The following PHF19 variants were observed in gnomAD, a reference collection of about 807,000 sequenced individuals.
PHF19 encodes the protein polycomb like 3.
Under a neutral mutation model 79.8 loss-of-function variants are expected in PHF19, and 21 were observed. The ratio of observed to expected loss-of-function variants is 0.26; its 90% CI spans 0.19 to 0.38. The LOEUF (loss-of-function observed/expected upper bound fraction) is 0.38, where lower values mean the gene tolerates loss of function less well. Ranked by LOEUF, PHF19 falls within the 10% of genes least tolerant of loss-of-function variation. PHF19 has a pLI of 1.00. For synonymous variants in PHF19, 273 were observed against 296.3 expected (o/e 0.92, Z 0.81); for missense variants, 445 against 744.2 (o/e 0.60, Z 4.68).
chr9:120,878,677 C>T (rs2046130500), upstream of PHF19, among the ~76,000 whole-genome samples: 3 of 152,196 alleles, frequency 2.0e-5, no homozygotes, highest in African/African-American at 7.2e-5. Flanking sequence ...CCCTTGATCC[C>T]CCTGCTCTCA....
intron 1 of PHF19, among the ~76,000 whole-genome samples, chr9:120,887,975 G>GA (rs1453874019): frequency 6.6e-6 from 1 of 151,932 alleles, no homozygotes. Flanking sequence ...CACGTCTCTT[G>GA]ATTCCTTGTC....
chr9:120,903,269 AAGCACT>A, the PHF19 span: 1 of 152,196 alleles, frequency 6.6e-6, no homozygotes, highest in Admixed American at 6.5e-5. Context: ...TTGCACATAA[AAGCACT>A]AGTGCTCCAT....
chr9:120,885,137 G>T, intron 1 of PHF19, among the ~76,000 whole-genome samples: 1 of 152,178 alleles, frequency 6.6e-6, no homozygotes, highest in East Asian at 1.9e-4. Context: ...AGGATTGCTT[G>T]AACCCAGAAG....
chr9:120,882,821 G>T (rs1384286416), intron 1 of PHF19, among the ~76,000 whole-genome samples: 2 of 123,394 alleles, frequency 1.6e-5, no homozygotes, highest in Non-Finnish European at 3.2e-5. Context: ...CAGCCTGGGT[G>T]ACAAGAGCAA....
At position 120,862,891 on chromosome 9, in the gene PHF19, C is replaced by A; in HGVS notation, c.969-142G>T. The A allele has an allele frequency of 1.3e-6, 1 of 747,348 alleles. No homozygotes were observed. 46.3% of individuals were successfully genotyped at this position (747,348 alleles called of 1,614,324 possible). ...GATGGTCTCTGCAGATGCTGACTTC[C>A]TCAAAGCCCATGGGATGCGGGGTTC... is the stretch of plus-strand genomic sequence containing the variant. On this transcript the variant is annotated intron_variant, in intron 10 of 14. Coordinates refer to ENST00000373896, the MANE Select transcript of PHF19 (RefSeq NM_015651.3). This position sits in a 1 kb window ranked among gnomAD's most constrained non-coding sequence, Gnocchi z 4.6.
At chr9:120,883,669 A>C (rs1299131815) in intron 1 of PHF19, among the ~76,000 whole-genome samples, 2 of 150,302 alleles carry the variant, frequency 1.3e-5, no homozygotes, top group South Asian at 2.1e-4. Context: ...CTGAGGTGGG[A>C]GGATCACTTG....
Position 120,861,085 on chromosome 9 carries a change from A to G in PHF19, c.1304+4T>C, listed in dbSNP as rs754498285. The G allele has an allele frequency of 2.6e-6, 4 of 1,561,960 alleles. No individual in the cohort carries two copies. Among genetic ancestry groups the G allele is most frequent in the African/African-American group, 1.4e-5 (1 of 73,884 alleles). On this transcript the variant is annotated splice_donor_region_variant and intron_variant, in intron 13 of 14. Coordinates refer to ENST00000373896, the MANE Select transcript of PHF19 (RefSeq NM_015651.3). ...GACCTCTGTGCTAGGTCCCTCACTG[A>G]TACCTTTTTAAACTTTGAATTTCAT...
intron 1 of PHF19, among the ~76,000 whole-genome samples, chr9:120,889,861 A>G (rs79454624): frequency 0.01 from 1,582 of 152,260 alleles, 24 homozygotes; most frequent in African/African-American, 0.036. Context: ...AGAAAGAAAG[A>G]GAGGAAGGAA....
chr9:120,885,766 T>A (rs137878754), intron 1 of PHF19, among the ~76,000 whole-genome samples: 1 of 152,208 alleles, frequency 6.6e-6, no homozygotes, highest in Admixed American at 6.5e-5. Flanking sequence ...AGTTTTTTAA[T>A]TGCCAAAATT....
At chr9:120,894,904 G>T, upstream of PHF19, 1 of 758,186 alleles carries the variant, frequency 1.3e-6, no homozygotes. Flanking sequence ...GGTAGAAGGC[G>T]TCAGAGAGTC....
intron 14 of PHF19, among the ~76,000 whole-genome samples, chr9:120,859,498 GC>G (rs991087916): frequency 6.6e-6 from 1 of 152,160 alleles, no homozygotes; most frequent in African/African-American, 2.4e-5. Flanking sequence ...GCAGAGGAAA[GC>G]CCTGTGCTCG....
chr9:120,892,806 A>C (rs78167671), intron 1 of PHF19, among the ~76,000 whole-genome samples: 1,895 of 152,374 alleles, frequency 0.012, 25 homozygotes, highest in Middle Eastern at 0.031. Flanking sequence ...CCATAAAAAT[A>C]GTAAGTGCTG....
In PHF19 at chr9:120,862,663, A is replaced by T. The variant is rs2131498267; in HGVS notation, c.1055T>A (p.Leu352Gln). The T allele has an allele frequency of 6.2e-7, 1 of 1,614,184 alleles. No homozygotes were observed. Among genetic ancestry groups the T allele is most frequent in the South Asian group, 1.1e-5 (1 of 91,088 alleles). ...ATTTGGCAGCAGTCCTTTGTCAGGC[A>T]GCAGCTTCCCTGGCGGGTTGGGTGG... ...RVPPNPPGKL[L>Q]PDKGLLPNEN... Residue 352 changes from leucine (L) to glutamine (Q), a missense_variant, in exon 11 of 15, where the codon CTG becomes CAG. Physicochemically the swap from Leu to Gln is moderately radical, Grantham distance 113. Transcript: ENST00000373896. This position sits in a 1 kb window ranked among gnomAD's most constrained non-coding sequence, Gnocchi z 4.6.
chr9:120,896,451 CTTTTT>C (rs71370604), upstream of PHF19, among the ~76,000 whole-genome samples: 3 of 82,712 alleles, frequency 3.6e-5, no homozygotes, highest in Non-Finnish European at 4.6e-5. Context: ...TTTTTTTTTT[CTTTTT>C]TTTTTTTTTT....
chr9:120,901,195 C>CT, the PHF19 span, among the ~76,000 whole-genome samples: 66,463 of 149,960 alleles, frequency 0.44, 17,012 homozygotes, highest in South Asian at 0.69. Flanking sequence ...TACCTGATTT[C>CT]TTTTTTTTGT....
chr9:120,863,350 G>A (rs2045594422), intron 10 of PHF19, among the ~76,000 whole-genome samples: 1 of 152,038 alleles, frequency 6.6e-6, no homozygotes, highest in East Asian at 1.9e-4. Flanking sequence ...GAGTTTCAGC[G>A]ATGAGGACCT....
At chr9:120,885,060 TAAA>T (rs2046244068) in intron 1 of PHF19, among the ~76,000 whole-genome samples, 1 of 151,600 alleles carries the variant, frequency 6.6e-6, no homozygotes, top group Non-Finnish European at 1.5e-5. Context: ...TCTCTAAAAA[TAAA>T]AATAAATTAG....
Position 120,858,293 on chromosome 9 carries a change from C to T in PHF19, c.1401-7G>A, listed in dbSNP as rs2045405903. 1.3e-6 allele frequency: 2 copies of T among 1,515,560 alleles called. No individual in the cohort carries two copies. The highest frequency in any genetic ancestry group is 1.8e-6 in the Non-Finnish European group (2 of 1,129,708). The allele number at this position is 1,515,560 out of a possible 1,614,324, so 93.9% of individuals were successfully genotyped here. On this transcript the variant is annotated splice_polypyrimidine_tract_variant and splice_region_variant and intron_variant, in intron 14 of 14. Transcript: ENST00000373896. ...TCGGCTGCCCACTGTCCATCTGTAT[C>T]AGAAGTGGGAGAGGAAGATGATGAG... is the stretch of plus-strand genomic sequence containing the variant.
rs973857763 is a variant in PHF19, at chr9:120,891,745, C to T, written c.42+3043G>A. ...GAGCAGCTGTATAGTCCCCCACAGG[C>T]CCCACCCAGTCTTCCGTGCTTGTTA... On this transcript the variant is annotated intron_variant, in intron 1 of 14. Transcript: ENST00000616568. The surrounding 1 kb of genome is among the most constrained non-coding windows in gnomAD (Gnocchi z 4.3). 6.6e-6 allele frequency among the ~76,000 whole-genome samples: 1 copy of T among 152,152 alleles called. No homozygotes were observed. The highest frequency in any genetic ancestry group is 6.5e-5 in the Admixed American group (1 of 15,282).
Sources: gnomAD v4.1 joint callset for allele counts (sites outside exome capture counted in the v4.1 genomes callset) on GRCh38, gnomAD v4.1.1 for gene constraint, Gnocchi (gnomAD v3.1) non-coding constraint, MANE v1.5 for transcripts, NCBI Gene and HGNC (gene_info 2026-07-23, HGNC 2026-07-21) for gene names.